The following PPIE variants were observed in gnomAD, a reference collection of about 807,000 sequenced individuals.
PPIE encodes the protein peptidyl-prolyl cis-trans isomerase E.
PPIE carries 20 observed loss-of-function variants against 38.4 expected under a neutral mutation model. The ratio of observed to expected loss-of-function variants is 0.52; its 90% CI spans 0.37 to 0.76. The LOEUF (loss-of-function observed/expected upper bound fraction) is 0.76, where lower values mean the gene tolerates loss of function less well. PPIE is among the 30% of genes least tolerant of loss of function. The pLI is 0.00. For synonymous variants in PPIE, 142 were observed against 135.7 expected (o/e 1.05, Z -0.32); for missense variants, 322 against 385.8 (o/e 0.83, Z 1.39).
chr1:39,740,374 A>G, intron 2 of PPIE, 111 bp downstream of exon 2: 1 of 819,446 alleles, frequency 1.2e-6, no homozygotes. Context: ...AGTATACACT[A>G]CAGGTAAGTT....
downstream of PPIE, chr1:39,757,251 A>G (rs1648378962): frequency 6.6e-6 from 1 of 152,272 alleles, no homozygotes; most frequent in Non-Finnish European, 1.5e-5. Context: ...CATTTGTAAT[A>G]ATACCAGCAA....
chr1:39,748,314 A>T (rs1470646832), intron 7 of PPIE: 1 of 152,192 alleles, frequency 6.6e-6, no homozygotes, highest in Non-Finnish European at 1.5e-5. Context: ...AGTCATGAAG[A>T]TTTGCCCCTA....
In PPIE at chr1:39,753,298, C is replaced by G. The variant is rs1434380171; in HGVS notation, c.849C>G (p.Ser283Arg). 1 of 1,614,046 alleles carries G rather than the reference C, an allele frequency of 6.2e-7. No homozygotes were observed. The highest frequency in any genetic ancestry group is 1.3e-5 in the African/African-American group (1 of 74,934). The change falls in exon 10 of 10, where the codon AGC becomes AGG. Residue 283 changes from serine (S) to arginine (R), a missense_variant. Physicochemically the swap from Ser to Arg is moderately radical, Grantham distance 110. Coordinates refer to ENST00000324379, the MANE Select transcript of PPIE (RefSeq NM_006112.4). ...DVLRQIEAQG[S>R]KDGKPKQKVI... ...ATTCTGCCACAAAGGCCCAGGGCAGCAAGGACGGGAAGCCAAAGCAGAAGG... is the reference window on the plus strand; with the variant it reads ...ATTCTGCCACAAAGGCCCAGGGCAGGAAGGACGGGAAGCCAAAGCAGAAGG...
chr1:39,743,162 T>C, intron 4 of PPIE, 54 bp from the exon 5 acceptor site: 1 of 1,468,818 alleles, frequency 6.8e-7, no homozygotes, highest in Non-Finnish European at 9.5e-7. Flanking sequence ...GAAAGCTGGC[T>C]GGCCCTCTTT....
chr1:39,763,596 A>G lies in PPIE; in HGVS notation c.838-93A>G, dbSNP rs1471820995. On this transcript the variant is annotated intron_variant, in intron 9 of 9. Transcript: ENST00000356511. ...CTTTAGAAAACTTGGAAAACACAGA[A>G]GAAAAAAATACATAAGAAAATTGAA... 11 of 1,399,864 alleles carry G rather than the reference A, an allele frequency of 7.9e-6. 1 individual carries two copies. The East Asian group carries it at 2.5e-4, about 31-fold the overall frequency. The allele number at this position is 1,399,864 out of a possible 1,614,324, so 86.7% of individuals were successfully genotyped here. A position where few individuals can be genotyped will look rare whatever the true frequency, so the allele number is the denominator to read the frequency against.
At chr1:39,751,306 A>G (rs893217282) in intron 8 of PPIE, among the ~76,000 whole-genome samples, 5 of 152,202 alleles carry the variant, frequency 3.3e-5, no homozygotes, top group Non-Finnish European at 7.4e-5. Context: ...ATAACTGTAA[A>G]CACATTTTTT....
intron 9 of PPIE, chr1:39,762,733 G>A (rs1252522035): frequency 1.1e-5 from 15 of 1,421,228 alleles, no homozygotes; most frequent in Admixed American, 5.4e-5. Flanking sequence ...TCGGCGGCCC[G>A]TGTGCTAAGA....
At chr1:39,763,174 G>C in intron 9 of PPIE, 1 of 1,613,774 alleles carries the variant, frequency 6.2e-7, no homozygotes, top group Non-Finnish European at 8.5e-7. Flanking sequence ...GTAATAGGCC[G>C]AGTAGCCTTG....
downstream of PPIE, among the ~76,000 whole-genome samples, chr1:39,760,839 A>G (rs1426148431): frequency 1.3e-5 from 2 of 152,286 alleles, no homozygotes; most frequent in East Asian, 3.9e-4. Flanking sequence ...CTGGAGTCCC[A>G]GGCCAAGGGC....
chr1:39,743,764 G>C, intron 5 of PPIE, 60 bp from the exon 6 acceptor site: 1 of 1,404,952 alleles, frequency 7.1e-7, no homozygotes, highest in Non-Finnish European at 1.0e-6. Context: ...GACCAAAGCA[G>C]CTACTTTTCA....
At chr1:39,762,349 C>T (rs906668314) in intron 9 of PPIE, 67 of 862,662 alleles carry the variant, frequency 7.8e-5, no homozygotes, top group Admixed American at 6.6e-5. Flanking sequence ...AAGGCATCAC[C>T]GTTGAACCTC....
intron 8 of PPIE, among the ~76,000 whole-genome samples, chr1:39,752,241 A>C (rs1203921210): frequency 1.3e-5 from 2 of 152,192 alleles, no homozygotes; most frequent in Non-Finnish European, 2.9e-5. Context: ...TGGCATCTGC[A>C]TGCTGATGGC....
At chr1:39,743,719 T>C in intron 5 of PPIE, 105 bp from the exon 6 acceptor site, 1 of 849,714 alleles carries the variant, frequency 1.2e-6, no homozygotes, top group Non-Finnish European at 1.9e-6. Flanking sequence ...GGGAATTGTC[T>C]GGCATACAGG....
rs1203272958 is a variant in PPIE, at chr1:39,743,308, G to A, written c.283+11G>A. On this transcript the variant is annotated intron_variant, in intron 5 of 9. Transcript: ENST00000324379. ...GCTCTTCCAGGCCAGGTGAGTAGGAGCAACTTCCAGATTCCCTGTGATGTT... is the reference window on the plus strand; with the variant it reads ...GCTCTTCCAGGCCAGGTGAGTAGGAACAACTTCCAGATTCCCTGTGATGTT... The A allele has an allele frequency of 1.9e-6, 3 of 1,611,774 alleles. No homozygotes were observed. The highest frequency in any genetic ancestry group is 1.7e-4 in the Middle Eastern group (1 of 6,058).
chr1:39,757,877 A>G (rs541760241), downstream of PPIE: 1 of 152,350 alleles, frequency 6.6e-6, no homozygotes, highest in South Asian at 2.1e-4. Flanking sequence ...TTTGGTGACT[A>G]TCTGGATGAT....
chr1:39,762,558 A>C lies in PPIE; in HGVS notation c.838-1131A>C, dbSNP rs948428435. 6 of 1,550,314 alleles carry C rather than the reference A, an allele frequency of 3.9e-6. No homozygotes were observed. The African/African-American group carries it at 8.2e-5, about 21-fold the overall frequency. On this transcript the variant is annotated intron_variant, in intron 9 of 9. Coordinates refer to the PPIE transcript ENST00000356511. The stretch of plus-strand genomic sequence containing the variant: ...AGGCATCAAAAGCCAGGGGATCCAG[A>C]AAAAACAAAGATGGCCAAGAGAGAA...
chr1:39,759,118 A>G (rs920142660), downstream of PPIE: 5 of 152,266 alleles, frequency 3.3e-5, no homozygotes, highest in African/African-American at 9.6e-5. Flanking sequence ...AAATCAAATA[A>G]ACACTCCAAC....
intron 7 of PPIE, 177 bp from the exon 8 acceptor site, chr1:39,748,726 A>T (rs779553560): frequency 2.0e-5 from 12 of 611,282 alleles, no homozygotes; most frequent in Non-Finnish European, 2.5e-5. Flanking sequence ...CAAGAGTGAA[A>T]CTCCGTCTCA....
Position 39,745,485 on chromosome 1 carries a change from G to C in PPIE, c.495G>C (p.Val165=). 6.2e-7 allele frequency: 1 copy of C among 1,614,202 alleles called. No individual in the cohort carries two copies. The highest frequency in any genetic ancestry group is 8.5e-7 in the Non-Finnish European group (1 of 1,180,042). The change falls in exon 7 of 10, where the codon GTG becomes GTC. Residue 165 remains valine, a synonymous_variant. Coordinates refer to ENST00000324379, the MANE Select transcript of PPIE (RefSeq NM_006112.4). The part of the protein sequence containing the change: ...RIQMLLRSDV[V]PMTAENFRCL... ...AGATGCTCCTGCGTTCTGATGTCGT[G>C]CCCATGACAGCAGGTGAGCAGGACG...
Sources: allele counts gnomAD v4.1 joint callset (sites outside exome capture counted in the v4.1 genomes callset), GRCh38; gene constraint gnomAD v4.1.1; transcripts MANE v1.5; gene names NCBI Gene and HGNC (gene_info 2026-07-23, HGNC 2026-07-21).